Variants in LIFR observed in about 807,000 individuals in gnomAD.
LIFR encodes leukemia inhibitory factor receptor.
In LIFR, 84 loss-of-function variants were observed where a neutral mutation model predicts 122.2. The observed-to-expected ratio is 0.69, with a 90% CI of 0.58 to 0.82. The LOEUF is 0.82. LIFR is among the 40% of genes least tolerant of loss of function. LIFR has a pLI of 0.00. For missense variants in LIFR, 1,294 were observed against 1,311.6 expected, an observed-to-expected ratio of 0.99 and a Z score of 0.21; for synonymous variants, 422 against 434.7, an observed-to-expected ratio of 0.97 and a Z score of 0.36.
intron 4 of LIFR, among the ~76,000 whole-genome samples, chr5:38,526,531 A>G (rs1371507742): frequency 6.6e-6 from 1 of 152,052 alleles, no homozygotes; most frequent in Non-Finnish European, 1.5e-5. Flanking sequence ...ACTTTTATTT[A>G]GTAGCAAATT....
chr5:38,535,384 A>T (rs1747242296), intron 1 of LIFR, among the ~76,000 whole-genome samples: 2 of 152,220 alleles, frequency 1.3e-5, no homozygotes, highest in African/African-American at 4.8e-5. Flanking sequence ...CTTTAATTAT[A>T]TTTATGTCAT....
upstream of LIFR, among the ~76,000 whole-genome samples, chr5:38,560,981 A>C (rs1009336963): frequency 6.6e-6 from 1 of 152,192 alleles, no homozygotes; most frequent in African/African-American, 2.4e-5. Context: ...TTTTTTAAAA[A>C]AGAAAAGTTG....
In LIFR at chr5:38,475,708, A is replaced by AACAGTAATTACTT. The variant is rs1743693883; in HGVS notation, c.*5886_*5887insAAGTAATTACTGT. ...GTAAACAGTAATTCACTATAATGCAATTTTGAAAGTAAAAAAAGGTAATTT... is the reference window on the plus strand; with the variant it reads ...GTAAACAGTAATTCACTATAATGCAAACAGTAATTACTTTTTTGAAAGTAAAAAAAGGTAATTT... On this transcript the variant is annotated 3_prime_UTR_variant, in exon 20 of 20. Transcript: ENST00000453190. The AACAGTAATTACTT allele has an allele frequency of 5.3e-6, 1 of 188,418 alleles. No homozygotes were observed. Among genetic ancestry groups the AACAGTAATTACTT allele is most frequent in the Non-Finnish European group, 1.1e-5 (1 of 89,362 alleles). The allele number at this position is 188,418 out of a possible 1,614,324, so 11.7% of individuals were successfully genotyped here.
At position 38,556,532 on chromosome 5, in the gene LIFR, G is replaced by C. The variant is rs982593756; in HGVS notation, c.-218C>G. On this transcript the variant is annotated 5_prime_UTR_variant, in exon 1 of 20. Transcript: ENST00000453190. ...GCGCGAGGCTGCTTGAGGCGGCCAC[G>C]GGCGAAGGGCGGCCCGCTGCGCTCC... 1.3e-5 allele frequency: 2 copies of C among 150,392 alleles called. No homozygotes were observed. The highest frequency in any genetic ancestry group is 4.9e-5 in the African/African-American group (2 of 41,156). 9.3% of individuals were successfully genotyped at this position (150,392 alleles called of 1,614,324 possible).
chr5:38,518,194 G>A (rs570431682), intron 5 of LIFR, among the ~76,000 whole-genome samples: 2 of 152,060 alleles, frequency 1.3e-5, no homozygotes, highest in African/African-American at 4.8e-5. Flanking sequence ...AGTAGGATAC[G>A]TGAGAAGGGG....
At chr5:38,538,451 T>C (rs1747406366) in intron 1 of LIFR, among the ~76,000 whole-genome samples, 1 of 152,252 alleles carries the variant, frequency 6.6e-6, no homozygotes, top group Non-Finnish European at 1.5e-5. Context: ...CAAAATATTC[T>C]GATGCTTCAT....
chr5:38,539,768 A>C lies in LIFR; in HGVS notation c.-19-9102T>G, dbSNP rs144835544. ...TACTAATTACACAATAATTCTATCT[A>C]GGTAACAAGCTGGTTTTAGCTAACT... On this transcript the variant is annotated intron_variant, in intron 1 of 19. Coordinates refer to ENST00000453190, the MANE Select transcript of LIFR (RefSeq NM_001127671.2). Among the ~76,000 whole-genome samples, 19 of 152,280 alleles carry C rather than the reference A, an allele frequency of 1.2e-4. No individual in the cohort carries two copies. The East Asian group carries it at 3.3e-3, about 26-fold the overall frequency.
At chr5:38,552,233 A>T (rs976399298) in intron 1 of LIFR, among the ~76,000 whole-genome samples, 1 of 152,254 alleles carries the variant, frequency 6.6e-6, no homozygotes, top group African/African-American at 2.4e-5. Context: ...ATTCTGGAAG[A>T]TCACAACACT....
At chr5:38,503,512 G>T (rs184117088) in intron 10 of LIFR, among the ~76,000 whole-genome samples, 14 of 152,180 alleles carry the variant, frequency 9.2e-5, no homozygotes, top group South Asian at 2.1e-4. Flanking sequence ...ATTTATTTCA[G>T]ACTTACCACA....
intron 1 of LIFR, among the ~76,000 whole-genome samples, chr5:38,572,889 A>G (rs1281021512): frequency 6.6e-6 from 1 of 152,280 alleles, no homozygotes; most frequent in South Asian, 2.1e-4. Context: ...CTAACCAATC[A>G]TACTCCTTCC....
chr5:38,572,683 A>G (rs1475792642), intron 1 of LIFR, among the ~76,000 whole-genome samples: 1 of 152,204 alleles, frequency 6.6e-6, no homozygotes, highest in Non-Finnish European at 1.5e-5. Flanking sequence ...TTTCCAATCC[A>G]TGAAATGTAA....
Position 38,528,851 on chromosome 5 carries a change from C to G in LIFR, c.143-11G>C, listed in dbSNP as rs1580121599. Reference sequence around the variant, plus strand: ...AATCATGAGGAGCCCCTGGAGGAGACACACACACACACACACACACACACA... The same window carrying G: ...AATCATGAGGAGCCCCTGGAGGAGAGACACACACACACACACACACACACA... On this transcript the variant is annotated splice_polypyrimidine_tract_variant and intron_variant, in intron 2 of 19. Coordinates refer to ENST00000453190, the MANE Select transcript of LIFR (RefSeq NM_001127671.2). 3.2e-5 allele frequency: 7 copies of G among 221,558 alleles called. No individual in the cohort carries two copies. Among genetic ancestry groups the G allele is most frequent in the South Asian group, 1.8e-4 (3 of 16,386 alleles). 13.7% of individuals were successfully genotyped at this position (221,558 alleles called of 1,614,324 possible).
At chr5:38,495,318 T>A (rs142927689) in intron 13 of LIFR, among the ~76,000 whole-genome samples, 1 of 152,224 alleles carries the variant, frequency 6.6e-6, no homozygotes, top group Non-Finnish European at 1.5e-5. Flanking sequence ...CAGTATGTTA[T>A]CTTCTTATGG....
At chr5:38,516,596 T>C (rs1018423290) in intron 5 of LIFR, among the ~76,000 whole-genome samples, 25 of 152,196 alleles carry the variant, frequency 1.6e-4, no homozygotes, top group African/African-American at 6.0e-4. Flanking sequence ...GGAATGCTTT[T>C]ACACTGTTGG....
Position 38,516,233 on chromosome 5 carries a change from G to T in LIFR, c.562-4269C>A, listed in dbSNP as rs186738811. ...TTTGATTTCACTCACATTTCAGAGTGTCCCTCTTTAATTCTAGTATTCTCT... is the reference window on the plus strand; with the variant it reads ...TTTGATTTCACTCACATTTCAGAGTTTCCCTCTTTAATTCTAGTATTCTCT... On this transcript the variant is annotated intron_variant, in intron 5 of 19. Transcript: ENST00000453190. Among the ~76,000 whole-genome samples the T allele has an allele frequency of 1.6e-4, 24 of 152,212 alleles. No homozygotes were observed. The East Asian group carries it at 4.2e-3, about 27-fold the overall frequency.
At chr5:38,541,008 C>T (rs533122456) in intron 1 of LIFR, among the ~76,000 whole-genome samples, 4 of 152,230 alleles carry the variant, frequency 2.6e-5, no homozygotes, top group Non-Finnish European at 5.9e-5. Context: ...GAATCTGAAG[C>T]TTTCCACTCC....
Position 38,496,457 on chromosome 5 carries a change from T to C in LIFR, c.1810A>G (p.Ile604Val), listed in dbSNP as rs1744880281. ...GAATTTTTAGCCACTACGCTGATGA[T>C]GTAGTCATTCTTATCAAGTCGTATC... is the stretch of plus-strand genomic sequence containing the variant. ...AEIRLDKNDY[I>V]ISVVAKNSVG... The change falls in exon 13 of 20, where the codon ATC becomes GTC. Residue 604 changes from isoleucine to valine, a missense_variant. Physicochemically the swap from Ile to Val is conservative, Grantham distance 29. Coordinates refer to ENST00000453190, the MANE Select transcript of LIFR (RefSeq NM_001127671.2). The C allele has an allele frequency of 1.2e-6, 2 of 1,613,920 alleles. No homozygotes were observed. Among genetic ancestry groups the C allele is most frequent in the Non-Finnish European group, 1.7e-6 (2 of 1,179,850 alleles).
chr5:38,523,941 A>T (rs1345936117), intron 4 of LIFR, among the ~76,000 whole-genome samples: 1 of 152,212 alleles, frequency 6.6e-6, no homozygotes, highest in East Asian at 1.9e-4. Context: ...ATTTAAGAAA[A>T]TTATTTATTA....
chr5:38,503,702 A>G (rs1745303178), intron 10 of LIFR, among the ~76,000 whole-genome samples: 1 of 152,230 alleles, frequency 6.6e-6, no homozygotes, highest in African/African-American at 2.4e-5. Flanking sequence ...AGTTACAGCA[A>G]AAACTACTCA....
Sources: gnomAD v4.1 joint callset for allele counts (sites outside exome capture counted in the v4.1 genomes callset) on GRCh38, gnomAD v4.1.1 for gene constraint, MANE v1.5 for transcripts, NCBI Gene and HGNC (gene_info 2026-07-23, HGNC 2026-07-21) for gene names.